CFAP54: variants seen among roughly 807,000 people sequenced by gnomAD.
CFAP54 encodes cilia and flagella associated protein 54, also known as cilia- and flagella-associated protein 54.
Under a neutral mutation model 370.4 loss-of-function variants are expected in CFAP54, and 290 were observed. That is an observed-to-expected ratio of 0.78 (90% CI 0.71 to 0.86). CFAP54 has a LOEUF of 0.86. CFAP54 is among the 40% of genes least tolerant of loss of function. The pLI is 0.00. For missense variants in CFAP54, 3,399 were observed against 3,528.7 expected (o/e 0.96, Z 0.93); for synonymous variants, 1,206 against 1,236.5 (o/e 0.98, Z 0.52).
chr12:96,639,691 G>A (rs913819279), intron 32 of CFAP54, among the ~76,000 whole-genome samples: 1 of 152,146 alleles, frequency 6.6e-6, no homozygotes, highest in Non-Finnish European at 1.5e-5. Flanking sequence ...TAAAATACTG[G>A]CAAACGGAAT....
At chr12:96,601,492 C>T (rs550161540) in intron 26 of CFAP54, among the ~76,000 whole-genome samples, 10 of 152,210 alleles carry the variant, frequency 6.6e-5, no homozygotes, top group African/African-American at 1.7e-4. Context: ...GGAGGATTCC[C>T]TCTTTTTCTA....
At chr12:96,500,055 G>T (rs1955008977) in intron 1 of CFAP54, among the ~76,000 whole-genome samples, 1 of 152,170 alleles carries the variant, frequency 6.6e-6, no homozygotes, top group Non-Finnish European at 1.5e-5. Context: ...CAACCAAGAT[G>T]TCATTCAGCA....
intron 32 of CFAP54, among the ~76,000 whole-genome samples, chr12:96,635,410 G>T (rs1445221500): frequency 6.6e-6 from 1 of 152,056 alleles, no homozygotes; most frequent in Non-Finnish European, 1.5e-5. Flanking sequence ...ATGATGTGTA[G>T]TATCTTTTTG....
At chr12:96,771,017 G>A (rs7135705) in intron 60 of CFAP54, among the ~76,000 whole-genome samples, 57,708 of 152,078 alleles carry the variant, frequency 0.38, 11,255 homozygotes, top group Middle Eastern at 0.44. Context: ...ATTAACAGTG[G>A]TGGGTAAATA....
intron 32 of CFAP54, among the ~76,000 whole-genome samples, chr12:96,643,955 A>G (rs900041765): frequency 6.6e-6 from 1 of 152,200 alleles, no homozygotes; most frequent in African/African-American, 2.4e-5. Context: ...AGAGTTGAAG[A>G]CAATACATGG....
At chr12:96,874,945 TTGA>T (rs966581226) in intron 67 of CFAP54, among the ~76,000 whole-genome samples, 170 bp from the exon 68 acceptor site, 23 of 152,198 alleles carry the variant, frequency 1.5e-4, no homozygotes, top group African/African-American at 5.5e-4. Flanking sequence ...AAGTTTTGGT[TTGA>T]TGATGTGGCA....
chr12:96,623,990 G>A lies in CFAP54; in HGVS notation c.3886+109G>A. On this transcript the variant is annotated intron_variant, in intron 28 of 67. Coordinates refer to ENST00000524981, the MANE Select transcript of CFAP54 (RefSeq NM_001306084.2). ...GATTAGCATTTGGTAAACCCTTTAA[G>A]GTTTACACAGTGCTTTTATATCATT... is the stretch of plus-strand genomic sequence containing the variant. 4 of 688,534 alleles carry A rather than the reference G, an allele frequency of 5.8e-6. No individual in the cohort carries two copies. In the South Asian group the frequency reaches 7.7e-5, roughly 13 times the overall value. 42.7% of individuals were successfully genotyped at this position (688,534 alleles called of 1,614,324 possible). A position where few individuals can be genotyped will look rare whatever the true frequency, so the allele number is the denominator to read the frequency against.
At chr12:96,619,502 G>A (rs1415567838) in intron 26 of CFAP54, among the ~76,000 whole-genome samples, 3 of 152,056 alleles carry the variant, frequency 2.0e-5, no homozygotes, top group African/African-American at 4.8e-5. Flanking sequence ...TGCCACTTGT[G>A]AGATTTGCCA....
chr12:96,765,402 T>G, intron 60 of CFAP54, 184 bp downstream of exon 60: 14 of 394,374 alleles, frequency 3.5e-5, no homozygotes, highest in East Asian at 7.8e-5. Flanking sequence ...TGCACATGTG[T>G]ACCTGTTACT....
intron 33 of CFAP54, 32 bp from the exon 34 acceptor site, chr12:96,647,843 T>G: frequency 6.8e-7 from 1 of 1,473,050 alleles, no homozygotes; most frequent in Non-Finnish European, 8.9e-7. Flanking sequence ...TTGCTTATAT[T>G]GTTTTTTAAT....
In CFAP54 at chr12:96,492,043, A is replaced by G. The variant is rs553259401; in HGVS notation, c.317+2117A>G. Among the ~76,000 whole-genome samples the G allele has an allele frequency of 2.0e-5, 3 of 152,280 alleles. No individual in the cohort carries two copies. The South Asian group carries it at 6.2e-4, about 32-fold the overall frequency. ...CAAGATTGCTGAGGTTACAGGCATG[A>G]GCCACCTTGCCCGGCTTATACATTT... On this transcript the variant is annotated intron_variant, in intron 1 of 67. Coordinates refer to ENST00000524981, the MANE Select transcript of CFAP54 (RefSeq NM_001306084.2).
At chr12:96,869,195 T>C (rs34493) in intron 67 of CFAP54, among the ~76,000 whole-genome samples, 22,138 of 152,282 alleles carry the variant, frequency 0.15, 1,971 homozygotes, top group Middle Eastern at 0.26. Flanking sequence ...TTTATTGACC[T>C]TAGAAACAGT....
At chr12:96,872,229 G>A (rs544562927) in intron 67 of CFAP54, among the ~76,000 whole-genome samples, 210 of 152,238 alleles carry the variant, frequency 1.4e-3, no homozygotes, top group African/African-American at 4.9e-3. Context: ...TAAGAGTAAA[G>A]GCTGACTTCT....
chr12:96,531,704 A>G (rs1018438210), intron 9 of CFAP54, among the ~76,000 whole-genome samples: 10 of 152,066 alleles, frequency 6.6e-5, no homozygotes, highest in Non-Finnish European at 1.3e-4. Context: ...TGTTTCAACA[A>G]TGATATACTT....
chr12:96,625,082 A>G (rs1280423606), intron 28 of CFAP54, among the ~76,000 whole-genome samples: 3 of 152,202 alleles, frequency 2.0e-5, no homozygotes, highest in Admixed American at 6.5e-5. Flanking sequence ...GTAAATTCAA[A>G]AACAATAATA....
chr12:96,784,907 G>T lies in CFAP54; in HGVS notation c.8455+17G>T. The T allele has an allele frequency of 6.9e-7, 1 of 1,448,576 alleles. No homozygotes were observed. The highest frequency in any genetic ancestry group is 2.6e-5 in the East Asian group (1 of 38,604). The allele number at this position is 1,448,576 out of a possible 1,614,324, so 89.7% of individuals were successfully genotyped here. Reference sequence around the variant, plus strand: ...AACTGCTAGGTAGGTTTTTTGATGTGTTAAGAGAGAACATATTTCTTTCTA... The same window carrying T: ...AACTGCTAGGTAGGTTTTTTGATGTTTTAAGAGAGAACATATTTCTTTCTA... On this transcript the variant is annotated intron_variant, in intron 61 of 67. Transcript: ENST00000524981.
At chr12:96,559,032 A>G (rs1955787186) in intron 17 of CFAP54, among the ~76,000 whole-genome samples, 1 of 152,238 alleles carries the variant, frequency 6.6e-6, no homozygotes, top group Admixed American at 6.5e-5. Context: ...CCTGGCCAAC[A>G]TGGTGAAACC....
In CFAP54 at chr12:96,489,588, AGGCGGGCCGG is replaced by A; in HGVS notation, c.-17_-8del. On this transcript the variant is annotated 5_prime_UTR_variant, in exon 1 of 68. Transcript: ENST00000524981. ...AGGCAACCGCGTGTACACATACTCC[AGGCGGGCCGG>A]GGCGCGTCAATATGGCGGCGCAGGG... 6.7e-7 allele frequency: 1 copy of A among 1,499,146 alleles called. No homozygotes were observed. Among genetic ancestry groups the A allele is most frequent in the South Asian group, 1.3e-5 (1 of 79,948 alleles). 92.9% of individuals were successfully genotyped at this position (1,499,146 alleles called of 1,614,324 possible).
intron 63 of CFAP54, among the ~76,000 whole-genome samples, chr12:96,803,879 A>G (rs972741495): frequency 1.3e-5 from 2 of 152,172 alleles, no homozygotes; most frequent in Non-Finnish European, 2.9e-5. Context: ...TCATCCAGCA[A>G]TAAATCCTAA....
Sources: gnomAD v4.1 joint callset for allele counts (sites outside exome capture counted in the v4.1 genomes callset) on GRCh38, gnomAD v4.1.1 for gene constraint, MANE v1.5 for transcripts, NCBI Gene and HGNC (gene_info 2026-07-23, HGNC 2026-07-21) for gene names.